Variants in PKLR observed in about 807,000 individuals in gnomAD.
PKLR encodes pyruvate kinase PKLR.
Under a neutral mutation model 53.6 loss-of-function variants are expected in PKLR, and 38 were observed. The ratio of observed to expected loss-of-function variants is 0.71; its 90% CI spans 0.55 to 0.93. PKLR has a LOEUF of 0.93. Among genes scored for constraint, PKLR ranks in the 40% least tolerant of loss-of-function variants. The probability of loss-of-function intolerance (pLI) is 0.00; values close to 1 mark genes in which losing one functional copy is unlikely to be tolerated. For missense variants in PKLR, 702 were observed against 787.3 expected (o/e 0.89, Z 1.30); for synonymous variants, 328 against 316.2 (o/e 1.04, Z -0.39).
rs1006004937 is a variant in PKLR, at chr1:155,290,212, A to G, written c.*360T>C. 3.2e-6 allele frequency: 1 copy of G among 308,214 alleles called. No homozygotes were observed. Among genetic ancestry groups the G allele is most frequent in the African/African-American group, 2.1e-5 (1 of 46,710 alleles). 19.1% of individuals were successfully genotyped at this position (308,214 alleles called of 1,614,324 possible). ...CCTGTCTCCCCTCTCCCCCACCCCA[A>G]GGGATGGGATGCCTGGGGTTATGGA... On this transcript the variant is annotated 3_prime_UTR_variant, in exon 11 of 11. Transcript: ENST00000342741.
chr1:155,291,101 C>A, intron 10 of PKLR, among the ~76,000 whole-genome samples: 1 of 151,878 alleles, frequency 6.6e-6, no homozygotes, highest in South Asian at 2.1e-4. Flanking sequence ...TAACGAGAAC[C>A]AGCCACCACC....
At chr1:155,291,996 A>G in intron 9 of PKLR, 59 bp from the exon 10 acceptor site, 1 of 1,526,616 alleles carries the variant, frequency 6.6e-7, no homozygotes, top group Non-Finnish European at 9.0e-7. Context: ...CGAGGAAAGG[A>G]GAATCTTTGT....
intron 1 of PKLR, chr1:155,301,075 CGTGGCTTACATGCT>C: frequency 6.6e-7 from 1 of 1,515,098 alleles, no homozygotes; most frequent in Non-Finnish European, 8.9e-7. Context: ...GGGAGTGCCC[CGTGGCTTACATGCT>C]GTGGCTCTGG....
At chr1:155,300,909 T>C (rs763586752) in intron 1 of PKLR, 33 of 1,607,554 alleles carry the variant, frequency 2.1e-5, no homozygotes, top group Non-Finnish European at 2.6e-5. Context: ...CCTCTCTGGG[T>C]CTCCCTCTCT....
Position 155,301,267 on chromosome 1 carries a change from GT to G in PKLR, c.100+28del, listed in dbSNP as rs773890295. ...GTTTTCACCCTCATTTTCCTCCTAT[GT>G]TCCATGGCTTCTGTCTCCCCTTCTT... On this transcript the variant is annotated intron_variant, in intron 1 of 10. Coordinates refer to ENST00000342741, the MANE Select transcript of PKLR (RefSeq NM_000298.6). 22 of 1,612,724 alleles carry G rather than the reference GT, an allele frequency of 1.4e-5. No individual in the cohort carries two copies. In the South Asian group the frequency reaches 2.4e-4, roughly 18 times the overall value.
rs1256105612 is a variant in PKLR at position 155,293,404 on chromosome 1, C to G, written c.1269+34G>C. On this transcript the variant is annotated intron_variant, in intron 8 of 10. Transcript: ENST00000342741. This position sits in a 1 kb window ranked among gnomAD's most constrained non-coding sequence, Gnocchi z 4.2. ...CTGGGGTATGGAAGGGATTTGGTTC[C>G]CTGGCCCATTTGCTTTTCATTCTGA... is the stretch of plus-strand genomic sequence containing the variant. The G allele has an allele frequency of 6.2e-7, 1 of 1,614,082 alleles. No individual in the cohort carries two copies. The highest frequency in any genetic ancestry group is 8.5e-7 in the Non-Finnish European group (1 of 1,180,048).
chr1:155,302,445 C>T (rs1420921126), upstream of PKLR, among the ~76,000 whole-genome samples: 1 of 151,756 alleles, frequency 6.6e-6, no homozygotes, highest in Non-Finnish European at 1.5e-5. Context: ...CCATGTTGGT[C>T]AGGCTGGTCT....
At chr1:155,300,986 G>A (rs769197971) in intron 1 of PKLR, 4 of 1,558,492 alleles carry the variant, frequency 2.6e-6, no homozygotes, top group Non-Finnish European at 3.5e-6. Context: ...GATCAGTTCT[G>A]CAGACTGGTT....
In PKLR at chr1:155,293,499, A is replaced by G. The variant is rs768361068; in HGVS notation, c.1208T>C (p.Met403Thr). 14 of 1,614,228 alleles carry G rather than the reference A, an allele frequency of 8.7e-6. No individual in the cohort carries two copies. The highest frequency in any genetic ancestry group is 1.1e-5 in the Non-Finnish European group (13 of 1,180,032). The part of the protein sequence containing the change: ...NAVLDGADCI[M>T]LSGETAKGNF... ...GCCCTTGGCAGTCTCCCCTGACAGCATGATGCAGTCAGCCCCATCCAGCAC... is the reference window on the plus strand; with the variant it reads ...GCCCTTGGCAGTCTCCCCTGACAGCGTGATGCAGTCAGCCCCATCCAGCAC... The change falls in exon 8 of 11, where the codon ATG (methionine) becomes ACG (threonine). Residue 403 changes from methionine (M) to threonine (T), a missense_variant. By Grantham distance (81) the Met-to-Thr change is moderately conservative. Coordinates refer to ENST00000342741, the MANE Select transcript of PKLR (RefSeq NM_000298.6). This position sits in a 1 kb window ranked among gnomAD's most constrained non-coding sequence, Gnocchi z 4.2.
intron 2 of PKLR, among the ~76,000 whole-genome samples, chr1:155,298,270 G>A (rs527374460): frequency 4.0e-5 from 6 of 151,772 alleles, no homozygotes; most frequent in East Asian, 1.9e-4. Context: ...TCTTGACCTC[G>A]TGATCAGTCT....
intron 10 of PKLR, among the ~76,000 whole-genome samples, 182 bp from the exon 11 acceptor site, chr1:155,290,860 A>G (rs974695690): frequency 6.6e-6 from 1 of 151,792 alleles, no homozygotes; most frequent in Non-Finnish European, 1.5e-5. Context: ...GTGGTGGCGC[A>G]TGCCTGTAAT....
rs191588587 is a variant in PKLR, at chr1:155,290,919, G to A, written c.1619-241C>T. 2.8e-3 allele frequency among the ~76,000 whole-genome samples: 422 copies of A among 150,406 alleles called. 3 individuals carry two copies. The highest frequency in any genetic ancestry group is 7.4e-3 in the Admixed American group (112 of 15,132). On this transcript the variant is annotated intron_variant, in intron 10 of 10. Coordinates refer to ENST00000342741, the MANE Select transcript of PKLR (RefSeq NM_000298.6). ...CAGGAGAATCGCTTGAACTCAGGAG[G>A]TAGAGGTTGCAGTGAGCCGAGATCA...
Position 155,293,682 on chromosome 1 carries a change from G to GC in PKLR, c.1117-93_1117-92insG. 1 of 1,340,654 alleles carries GC rather than the reference G, an allele frequency of 7.5e-7. No homozygotes were observed. 83.0% of individuals were successfully genotyped at this position (1,340,654 alleles called of 1,614,324 possible). A position where few individuals can be genotyped will look rare whatever the true frequency, so the allele number is the denominator to read the frequency against. On this transcript the variant is annotated intron_variant, in intron 7 of 10. Transcript: ENST00000342741. This position sits in a 1 kb window ranked among gnomAD's most constrained non-coding sequence, Gnocchi z 4.2. ...CTTCTCTGACACCCACACTCTCAGA[G>GC]TGTCCCAAAATCCAGGGTCACAGTC... is the stretch of plus-strand genomic sequence containing the variant.
chr1:155,302,229 T>C (rs1648047255), upstream of PKLR, among the ~76,000 whole-genome samples: 1 of 142,254 alleles, frequency 7.0e-6, no homozygotes, highest in Admixed American at 7.2e-5. Flanking sequence ...TCTTTTTTCT[T>C]TTCTTTTCTT....
chr1:155,292,849 A>G (rs1477005355), intron 9 of PKLR, among the ~76,000 whole-genome samples: 1 of 151,834 alleles, frequency 6.6e-6, no homozygotes, highest in Non-Finnish European at 1.5e-5. Flanking sequence ...TACATTTCTG[A>G]GTAAAGACTT....
chr1:155,294,447 G>C (rs749706010), intron 6 of PKLR, 35 bp downstream of exon 6: 1 of 1,614,214 alleles, frequency 6.2e-7, no homozygotes, highest in East Asian at 2.2e-5. Flanking sequence ...GGGGAATAGC[G>C]ACAGGGCCGA....
upstream of PKLR, among the ~76,000 whole-genome samples, chr1:155,304,087 G>A (rs772557028): frequency 6.6e-6 from 1 of 152,100 alleles, no homozygotes; most frequent in Non-Finnish European, 1.5e-5. Context: ...GGTTTACCCA[G>A]GGGATGGACA....
upstream of PKLR, among the ~76,000 whole-genome samples, chr1:155,305,905 A>G (rs1183972028): frequency 6.6e-6 from 1 of 150,552 alleles, no homozygotes; most frequent in Non-Finnish European, 1.5e-5. Flanking sequence ...TTCACTTCCC[A>G]AAGTACTGGA....
At chr1:155,298,700 G>A (rs1647739787) in intron 2 of PKLR, among the ~76,000 whole-genome samples, 1 of 151,638 alleles carries the variant, frequency 6.6e-6, no homozygotes, top group Non-Finnish European at 1.5e-5. Context: ...GGAGTGCAAT[G>A]GCGTGATCTT....
Sources: gnomAD v4.1 joint callset for allele counts (sites outside exome capture counted in the v4.1 genomes callset) on GRCh38, gnomAD v4.1.1 for gene constraint, Gnocchi (gnomAD v3.1) non-coding constraint, MANE v1.5 for transcripts, NCBI Gene and HGNC (gene_info 2026-07-23, HGNC 2026-07-21) for gene names.